The following MAPK10 variants were observed in gnomAD, a reference collection of about 807,000 sequenced individuals.
MAPK10 encodes mitogen-activated protein kinase 10, also known as JNK3 alpha protein kinase.
In MAPK10, 25 loss-of-function variants were observed where a neutral mutation model predicts 59.3. The ratio of observed to expected loss-of-function variants is 0.42; its 90% CI spans 0.31 to 0.59. The LOEUF (loss-of-function observed/expected upper bound fraction) is 0.59, where lower values mean the gene tolerates loss of function less well. Among genes scored for constraint, MAPK10 ranks in the 20% least tolerant of loss-of-function variants. The pLI, the probability that MAPK10 is intolerant of heterozygous loss-of-function variation, is 0.15. For synonymous variants in MAPK10, 190 were observed against 200.5 expected, an observed-to-expected ratio of 0.95 and a Z score of 0.44; for missense variants, 351 against 568.9, an observed-to-expected ratio of 0.62 and a Z score of 3.90.
intron 11 of MAPK10, among the ~76,000 whole-genome samples, chr4:86,057,378 G>C (rs1326961236): frequency 1.3e-5 from 2 of 150,240 alleles, no homozygotes; most frequent in Non-Finnish European, 3.0e-5. Flanking sequence ...CTGCAGTTTA[G>C]TTATAACTGA....
At chr4:86,447,107 C>A (rs1224135666) in intron 1 of MAPK10, among the ~76,000 whole-genome samples, 1 of 152,072 alleles carries the variant, frequency 6.6e-6, no homozygotes, top group African/African-American at 2.4e-5. Context: ...GTATCACCAC[C>A]CAAATCTTAT....
intron 4 of MAPK10, among the ~76,000 whole-genome samples, chr4:86,148,253 G>A (rs1202625656): frequency 6.6e-6 from 1 of 152,082 alleles, no homozygotes; most frequent in African/African-American, 2.4e-5. Context: ...CGCAGAAAAG[G>A]TGACCCCATA....
At chr4:86,265,083 G>A (rs2094176464) in intron 2 of MAPK10, among the ~76,000 whole-genome samples, 1 of 151,730 alleles carries the variant, frequency 6.6e-6, no homozygotes, top group Non-Finnish European at 1.5e-5. Context: ...TAGAGACAGG[G>A]TTTCACCATG....
intron 2 of MAPK10, among the ~76,000 whole-genome samples, chr4:86,249,297 G>C (rs2093293302): frequency 6.6e-6 from 1 of 152,150 alleles, no homozygotes; most frequent in African/African-American, 2.4e-5. Flanking sequence ...TGGTTTAGTG[G>C]CTCAGTTATG....
intron 11 of MAPK10, among the ~76,000 whole-genome samples, chr4:86,036,811 C>T (rs1362551697): frequency 5.9e-5 from 9 of 152,146 alleles, no homozygotes; most frequent in Admixed American, 5.2e-4. Context: ...ATTAGTAGCA[C>T]TTACGCCCTT....
chr4:86,372,258 C>A (rs1296410110), intron 1 of MAPK10, among the ~76,000 whole-genome samples: 1 of 152,080 alleles, frequency 6.6e-6, no homozygotes, highest in Non-Finnish European at 1.5e-5. Context: ...GTGGCTCACG[C>A]CAGTAATCCC....
At chr4:86,222,639 A>T (rs1193096594) in intron 2 of MAPK10, among the ~76,000 whole-genome samples, 1 of 152,254 alleles carries the variant, frequency 6.6e-6, no homozygotes, top group Non-Finnish European at 1.5e-5. Context: ...AGTTAAAAAT[A>T]AAAATAAACC....
rs149350872 is a variant in MAPK10, at chr4:86,425,084, G to C, written c.-122+27946C>G. ...CCAGCAAGGAGATAGAGGAGTGACA[G>C]AGGCAGAAAGGCTTTTAGAGTCTTG... On this transcript the variant is annotated intron_variant, in intron 1 of 13. Transcript: ENST00000361569. Among the ~76,000 whole-genome samples the C allele has an allele frequency of 1.3e-3, 196 of 152,294 alleles. 4 individuals are homozygous for C. The highest frequency in any genetic ancestry group is 4.5e-3 in the African/African-American group (187 of 41,572).
chr4:86,372,332 C>A (rs2148993917), intron 1 of MAPK10, among the ~76,000 whole-genome samples: 1 of 152,078 alleles, frequency 6.6e-6, no homozygotes, highest in South Asian at 2.1e-4. Flanking sequence ...TCTTAGTCAA[C>A]ATGGTGAAAC....
intron 2 of MAPK10, among the ~76,000 whole-genome samples, chr4:86,257,637 C>T (rs546301662): frequency 6.6e-6 from 1 of 152,258 alleles, no homozygotes; most frequent in Admixed American, 6.5e-5. Flanking sequence ...ACTCTTTGTC[C>T]TCAGTTCTAT....
chr4:86,416,448 T>A (rs944488253), intron 1 of MAPK10, among the ~76,000 whole-genome samples: 7 of 152,222 alleles, frequency 4.6e-5, no homozygotes, highest in African/African-American at 1.7e-4. Flanking sequence ...ATGAGGTAAA[T>A]CCTCAATGAT....
At chr4:86,449,039 C>T (rs894250638) in intron 1 of MAPK10, among the ~76,000 whole-genome samples, 1 of 152,116 alleles carries the variant, frequency 6.6e-6, no homozygotes, top group Non-Finnish European at 1.5e-5. Context: ...GGCGGTAATG[C>T]AAGCAACTGT....
chr4:86,207,668 C>T (rs1321760791), intron 2 of MAPK10, among the ~76,000 whole-genome samples: 1 of 152,074 alleles, frequency 6.6e-6, no homozygotes. Flanking sequence ...ATTGATTCTT[C>T]CTACCCATGA....
intron 1 of MAPK10, among the ~76,000 whole-genome samples, chr4:86,569,562 C>CT: frequency 1.3e-5 from 2 of 152,224 alleles, no homozygotes; most frequent in Middle Eastern, 6.8e-3. Flanking sequence ...ACCTACCTAC[C>CT]TACCTGTGGG....
At chr4:86,483,324 G>A (rs184095973) in intron 1 of MAPK10, among the ~76,000 whole-genome samples, 3 of 151,978 alleles carry the variant, frequency 2.0e-5, no homozygotes, top group African/African-American at 4.8e-5. Context: ...AAAAGACACT[G>A]CATTTGATTA....
intron 1 of MAPK10, among the ~76,000 whole-genome samples, chr4:86,587,832 T>C (rs1437873124): frequency 6.6e-6 from 1 of 152,216 alleles, no homozygotes; most frequent in African/African-American, 2.4e-5. Context: ...TGGAGAGATA[T>C]AGACCCCTTT....
intron 2 of MAPK10, among the ~76,000 whole-genome samples, chr4:86,279,654 C>T (rs1010371370): frequency 6.6e-6 from 1 of 152,138 alleles, no homozygotes; most frequent in Non-Finnish European, 1.5e-5. Flanking sequence ...TCTCCCTTTG[C>T]TCTCTTGCTG....
rs150924401 is a variant in MAPK10 at position 86,272,031 on chromosome 4, T to G, written c.-6-77624A>C. On this transcript the variant is annotated intron_variant, in intron 2 of 13. Transcript: ENST00000641462. Reference sequence around the variant, plus strand: ...TAGTGTCCAGTGTCTATTGTGGCCATCTTTATGTCCTTCAGTACCTAATGT... The same window carrying G: ...TAGTGTCCAGTGTCTATTGTGGCCAGCTTTATGTCCTTCAGTACCTAATGT... 5.7e-3 allele frequency among the ~76,000 whole-genome samples: 873 copies of G among 152,162 alleles called. 16 individuals carry two copies. Among genetic ancestry groups the G allele is most frequent in the African/African-American group, 0.02 (828 of 41,526 alleles).
At chr4:86,350,651 G>T (rs1043996540) in intron 2 of MAPK10, among the ~76,000 whole-genome samples, 7 of 152,170 alleles carry the variant, frequency 4.6e-5, no homozygotes, top group Non-Finnish European at 8.8e-5. Context: ...CACCTGGCCA[G>T]AAGTATGGCA....
Sources: gnomAD v4.1 joint callset for allele counts (sites outside exome capture counted in the v4.1 genomes callset) on GRCh38, gnomAD v4.1.1 for gene constraint, MANE v1.5 for transcripts, NCBI Gene and HGNC (gene_info 2026-07-23, HGNC 2026-07-21) for gene names.